RABL3: variants seen among roughly 807,000 people sequenced by gnomAD.
RABL3 encodes the protein rab-like protein 3.
In RABL3, 31 loss-of-function variants were observed where a neutral mutation model predicts 31.8. That is an observed-to-expected ratio of 0.97 (90% CI 0.73 to 1.31). The LOEUF (loss-of-function observed/expected upper bound fraction) is 1.31, where lower values mean the gene tolerates loss of function less well. RABL3 is among the 40% of genes most tolerant of loss of function. The pLI, the probability that RABL3 is intolerant of heterozygous loss-of-function variation, is 0.00. For missense variants in RABL3, 263 were observed against 279.6 expected (o/e 0.94, Z 0.42); for synonymous variants, 97 against 99.9 (o/e 0.97, Z 0.18).
intron 2 of RABL3, among the ~76,000 whole-genome samples, chr3:120,720,496 T>A (rs1355645703): frequency 6.6e-6 from 1 of 152,184 alleles, no homozygotes; most frequent in Non-Finnish European, 1.5e-5. Context: ...TTAAAGGACC[T>A]GATGGAGCTG....
intron 1 of RABL3, among the ~76,000 whole-genome samples, chr3:120,740,981 A>G (rs1709036037): frequency 6.6e-6 from 1 of 152,156 alleles, no homozygotes; most frequent in African/African-American, 2.4e-5. Context: ...TAACCCCAGA[A>G]CCTAATACAG....
intron 6 of RABL3, among the ~76,000 whole-genome samples, chr3:120,693,666 C>A (rs1254505605): frequency 1.3e-5 from 2 of 151,910 alleles, no homozygotes; most frequent in Non-Finnish European, 2.9e-5. Flanking sequence ...AGCAGAGAGT[C>A]AATAATTGGA....
chr3:120,725,051 T>TC (rs1451122296), intron 2 of RABL3, among the ~76,000 whole-genome samples: 1 of 151,976 alleles, frequency 6.6e-6, no homozygotes, highest in Admixed American at 6.6e-5. Context: ...AATCTACTCA[T>TC]CTGACAAAGG....
intron 1 of RABL3, among the ~76,000 whole-genome samples, chr3:120,731,710 ATTGT>A (rs1163653407): frequency 3.3e-5 from 5 of 152,114 alleles, no homozygotes; most frequent in African/African-American, 9.7e-5. Flanking sequence ...GTAGGAACCT[ATTGT>A]TTATTTTTTA....
intron 4 of RABL3, among the ~76,000 whole-genome samples, chr3:120,704,516 T>C (rs1400336290): frequency 6.6e-6 from 1 of 152,158 alleles, no homozygotes; most frequent in Non-Finnish European, 1.5e-5. Context: ...GAGTAAGACA[T>C]AGATATTCAC....
chr3:120,717,769 C>A (rs970410641), intron 2 of RABL3, among the ~76,000 whole-genome samples: 2 of 152,142 alleles, frequency 1.3e-5, no homozygotes, highest in Non-Finnish European at 2.9e-5. Context: ...GCACCCAGTC[C>A]CAAAGCAGAA....
intron 2 of RABL3, among the ~76,000 whole-genome samples, chr3:120,726,636 C>T (rs914491222): frequency 6.6e-5 from 10 of 152,126 alleles, no homozygotes; most frequent in African/African-American, 2.2e-4. Context: ...CCCATCTACT[C>T]AGGAGGCTGA....
intron 1 of RABL3, among the ~76,000 whole-genome samples, chr3:120,737,947 G>T (rs1351693356): frequency 6.6e-6 from 1 of 152,222 alleles, no homozygotes; most frequent in Admixed American, 6.5e-5. Flanking sequence ...ACTGGAGGGT[G>T]CCTCCCAGTT....
intron 6 of RABL3, among the ~76,000 whole-genome samples, chr3:120,692,918 T>C (rs1708396834): frequency 6.6e-6 from 1 of 152,218 alleles, no homozygotes. Flanking sequence ...GAATTTTGTA[T>C]TGATGGGGCC....
chr3:120,716,428 T>G (rs1401128726), intron 2 of RABL3, among the ~76,000 whole-genome samples: 2 of 152,180 alleles, frequency 1.3e-5, no homozygotes, highest in African/African-American at 4.8e-5. Flanking sequence ...TTAAACTCAT[T>G]AGCTTCACCT....
intron 3 of RABL3, 53 bp downstream of exon 3, chr3:120,709,727 T>G: frequency 1.6e-5 from 21 of 1,343,454 alleles, no homozygotes; most frequent in Non-Finnish European, 2.0e-5. Flanking sequence ...ACATATCAGA[T>G]GATCTATACT....
intron 1 of RABL3, among the ~76,000 whole-genome samples, chr3:120,733,507 G>A (rs1047703602): frequency 1.3e-5 from 2 of 152,106 alleles, no homozygotes; most frequent in African/African-American, 4.8e-5. Flanking sequence ...CATTCTGTAG[G>A]TTGCCTGTTC....
chr3:120,733,898 C>G (rs965273783), intron 1 of RABL3, among the ~76,000 whole-genome samples: 2 of 151,510 alleles, frequency 1.3e-5, no homozygotes, highest in Non-Finnish European at 2.9e-5. Context: ...CTGTTCTGTT[C>G]CATTGGTCTA....
Position 120,718,735 on chromosome 3 carries a change from T to C in RABL3, c.139-8826A>G, listed in dbSNP as rs539725158. Among the ~76,000 whole-genome samples, 16 of 152,294 alleles carry C rather than the reference T, an allele frequency of 1.1e-4. No homozygotes were observed. In the East Asian group the frequency reaches 1.4e-3, roughly 13 times the overall value. On this transcript the variant is annotated intron_variant, in intron 2 of 7. Transcript: ENST00000273375. ...CTTATAAGAGACATCCCATAGATAT[T>C]AGGACACAGAAAGATGAAAGTTGAA... is the stretch of plus-strand genomic sequence containing the variant.
At chr3:120,725,743 A>G (rs1274065863) in intron 2 of RABL3, among the ~76,000 whole-genome samples, 2 of 152,216 alleles carry the variant, frequency 1.3e-5, no homozygotes, top group Non-Finnish European at 2.9e-5. Context: ...TGGGAATTGA[A>G]CAATGAGAAC....
rs1576341504 is a variant in RABL3 at position 120,720,719 on chromosome 3, T to A, written c.138+9977A>T. Among the ~76,000 whole-genome samples, 3 of 152,234 alleles carry A rather than the reference T, an allele frequency of 2.0e-5. No individual in the cohort carries two copies. The South Asian group carries it at 6.2e-4, about 31-fold the overall frequency. On this transcript the variant is annotated intron_variant, in intron 2 of 7. Coordinates refer to ENST00000273375, the MANE Select transcript of RABL3 (RefSeq NM_173825.5). ...CAAATCTATGTCTGACTGGTCTACCTGAAAGTGACAGGGAGAATGGAACCA... is the reference window on the plus strand; with the variant it reads ...CAAATCTATGTCTGACTGGTCTACCAGAAAGTGACAGGGAGAATGGAACCA...
intron 1 of RABL3, among the ~76,000 whole-genome samples, chr3:120,736,772 T>G (rs985837043): frequency 4.6e-5 from 7 of 152,234 alleles, no homozygotes; most frequent in African/African-American, 1.7e-4. Context: ...TCAAGTATTT[T>G]ATTTCTCCTT....
intron 1 of RABL3, among the ~76,000 whole-genome samples, chr3:120,733,657 T>C (rs954955941): frequency 6.6e-6 from 1 of 152,214 alleles, no homozygotes; most frequent in African/African-American, 2.4e-5. Flanking sequence ...TGGTATTGCC[T>C]AGGTTTTCTT....
chr3:120,711,941 T>C (rs1177178006), intron 2 of RABL3, among the ~76,000 whole-genome samples: 1 of 152,140 alleles, frequency 6.6e-6, no homozygotes, highest in African/African-American at 2.4e-5. Context: ...TGATCGTCCC[T>C]GGTATCTTGG....
Sources: gnomAD v4.1 joint callset for allele counts (sites outside exome capture counted in the v4.1 genomes callset) on GRCh38, gnomAD v4.1.1 for gene constraint, MANE v1.5 for transcripts, NCBI Gene and HGNC (gene_info 2026-07-23, HGNC 2026-07-21) for gene names.